MAX: variants seen among roughly 807,000 people sequenced by gnomAD.
MAX encodes the protein MYC associated transcriptional regulator X, also known as protein max.
MAX carries 3 observed loss-of-function variants against 22.3 expected under a neutral mutation model. That is an observed-to-expected ratio of 0.13 (90% confidence interval 0.06 to 0.35). The LOEUF (loss-of-function observed/expected upper bound fraction) is 0.35. Ranked by LOEUF, MAX falls within the 10% of genes least tolerant of loss-of-function variation. MAX has a pLI of 1.00. For synonymous variants in MAX, 72 were observed against 77.7 expected, an observed-to-expected ratio of 0.93 and a Z score of 0.39; for missense variants, 119 against 209.4, an observed-to-expected ratio of 0.57 and a Z score of 2.66.
chr14:65,085,498 T>C (rs771029604), intron 3 of MAX, among the ~76,000 whole-genome samples: 2 of 152,232 alleles, frequency 1.3e-5, no homozygotes, highest in South Asian at 2.1e-4. Flanking sequence ...TCTAGTACTC[T>C]TGGGGGAGTG....
chr14:65,061,495 T>C (rs1566585826), intron 3 of MAX: 4 of 1,146,676 alleles, frequency 3.5e-6, no homozygotes, highest in East Asian at 5.4e-5. Context: ...AGTGGCTGGT[T>C]TTAAAAATTC....
chr14:65,101,500 T>C (rs769723313), intron 2 of MAX, 46 bp downstream of exon 2: 42 of 1,547,748 alleles, frequency 2.7e-5, no homozygotes, highest in Admixed American at 8.6e-5. Context: ...CAAAAAGGAA[T>C]AGAACTGAAC....
chr14:65,085,126 T>C (rs1341157336), intron 3 of MAX, among the ~76,000 whole-genome samples: 1 of 152,222 alleles, frequency 6.6e-6, no homozygotes, highest in Non-Finnish European at 1.5e-5. Context: ...TAATTTTAAA[T>C]ATATTGATTA....
At chr14:65,006,675 A>C (rs2061598698) in intron 3 of MAX, among the ~76,000 whole-genome samples, 2 of 152,182 alleles carry the variant, frequency 1.3e-5, no homozygotes, top group South Asian at 4.1e-4. Context: ...GGGGACACAC[A>C]GCCTCTGTTT....
intron 3 of MAX, chr14:65,016,626 T>A (rs917738494): frequency 3.9e-5 from 6 of 152,314 alleles, no homozygotes; most frequent in Non-Finnish European, 8.8e-5. Context: ...TCAGTCACAT[T>A]GTCAGGTCAG....
At chr14:65,071,583 T>C (rs1333345009), downstream of MAX, among the ~76,000 whole-genome samples, 1 of 152,252 alleles carries the variant, frequency 6.6e-6, no homozygotes, top group Non-Finnish European at 1.5e-5. The surrounding 1 kb of genome is among the most constrained non-coding windows in gnomAD (Gnocchi z 4.2). Flanking sequence ...CCTTTAAGCC[T>C]CACAATGGCA....
At chr14:65,072,842 G>C (rs1168106548), downstream of MAX, among the ~76,000 whole-genome samples, 1 of 152,240 alleles carries the variant, frequency 6.6e-6, no homozygotes, top group African/African-American at 2.4e-5. Context: ...GGCTGCTTTA[G>C]TCTCGAAGAG....
At chr14:65,066,166 C>A (rs1445519624) in intron 3 of MAX, among the ~76,000 whole-genome samples, 2 of 152,186 alleles carry the variant, frequency 1.3e-5, no homozygotes, top group African/African-American at 4.8e-5. Flanking sequence ...TAGGGCAGGC[C>A]CCTCACCCTT....
In MAX at chr14:65,045,711, C is replaced by T. The variant is rs146382568; in HGVS notation, c.172-39427G>A. Among the ~76,000 whole-genome samples, 593 of 151,778 alleles carry T rather than the reference C, an allele frequency of 3.9e-3. 4 individuals are homozygous for T. The highest frequency in any genetic ancestry group is 0.021 in the South Asian group (102 of 4,804). On this transcript the variant is annotated intron_variant, in intron 3 of 3. Coordinates refer to the MAX transcript ENST00000341653. The stretch of plus-strand genomic sequence containing the variant: ...GATTATAGGCGTGAGCCACCGCACC[C>T]GGCCCTGAGCCTCATTATTTAGTTT...
chr14:65,100,712 C>T (rs1002983185), intron 2 of MAX, among the ~76,000 whole-genome samples: 5 of 152,188 alleles, frequency 3.3e-5, no homozygotes, highest in African/African-American at 7.2e-5. Flanking sequence ...CTCTTCCCCT[C>T]GCTGATTCTG....
rs7143495 is a variant in MAX at position 65,079,643 on chromosome 14, A to G, written c.172-1607T>C. Among the ~76,000 whole-genome samples the G allele has an allele frequency of 0.28, 42,272 of 152,100 alleles. 6,536 individuals are homozygous for G. Among genetic ancestry groups the G allele is most frequent in the Non-Finnish European group, 0.35 (23,776 of 67,964 alleles). On this transcript the variant is annotated intron_variant, in intron 3 of 4. Transcript: ENST00000358664. This position sits in a 1 kb window ranked among gnomAD's most constrained non-coding sequence, Gnocchi z 4.5. ...GGTAGGGAGTGCTTGACAATTCTGT[A>G]TTACAAGCCCAATGGGTCCTAAACA...
intron 3 of MAX, among the ~76,000 whole-genome samples, chr14:65,025,812 T>C (rs2061969871): frequency 6.6e-6 from 1 of 152,154 alleles, no homozygotes; most frequent in South Asian, 2.1e-4. Flanking sequence ...TAAGACCCTC[T>C]CTCAAAATCA....
At chr14:65,060,696 T>TGAAAAAAA (rs2062843458) in intron 3 of MAX, among the ~76,000 whole-genome samples, 1 of 27,606 alleles carries the variant, frequency 3.6e-5, no homozygotes, top group Non-Finnish European at 5.5e-5. Flanking sequence ...AGACTCCGTC[T>TGAAAAAAA]CAAAAAAAAA....
At chr14:65,085,882 C>T (rs2063321056) in intron 3 of MAX, among the ~76,000 whole-genome samples, 1 of 152,078 alleles carries the variant, frequency 6.6e-6, no homozygotes, top group Non-Finnish European at 1.5e-5. Context: ...CCTGGGCAAA[C>T]AGAAGAGGGG....
chr14:65,051,339 G>A (rs911799803), intron 3 of MAX, among the ~76,000 whole-genome samples: 2 of 152,180 alleles, frequency 1.3e-5, no homozygotes, highest in Non-Finnish European at 2.9e-5. Context: ...GCTGGGTGCG[G>A]TGGCCCATGC....
chr14:65,054,637 G>T lies in MAX; in HGVS notation c.171+39071C>A. ...GGCCTGTCCATAGCCCAGCACTTCG[G>T]CAGCGGAGCCATGTTGCATGATGTG... On this transcript the variant is annotated intron_variant, in intron 3 of 3. Transcript: ENST00000341653. The surrounding 1 kb of genome is among the most constrained non-coding windows in gnomAD (Gnocchi z 4.4). 6.2e-7 allele frequency: 1 copy of T among 1,613,752 alleles called. No individual in the cohort carries two copies. The highest frequency in any genetic ancestry group is 1.1e-5 in the South Asian group (1 of 90,958).
intron 3 of MAX, among the ~76,000 whole-genome samples, chr14:65,057,829 G>C (rs2062772201): frequency 6.6e-6 from 1 of 152,190 alleles, no homozygotes; most frequent in South Asian, 2.1e-4. Flanking sequence ...CTGCTGATGT[G>C]TATCTCATGT....
chr14:65,007,525 A>G lies in MAX; in HGVS notation c.172-1241T>C, dbSNP rs901041422. Reference sequence around the variant, plus strand: ...AAGCTGAATAGCAGACTGGGCTGAAAGTCAAGCCTGGAGCTGAATGTCAGT... The same window carrying G: ...AAGCTGAATAGCAGACTGGGCTGAAGGTCAAGCCTGGAGCTGAATGTCAGT... On this transcript the variant is annotated intron_variant, in intron 3 of 3. Transcript: ENST00000341653. The surrounding 1 kb of genome is among the most constrained non-coding windows in gnomAD (Gnocchi z 4.9). 6.6e-6 allele frequency among the ~76,000 whole-genome samples: 1 copy of G among 152,372 alleles called. No homozygotes were observed. Among genetic ancestry groups the G allele is most frequent in the Middle Eastern group, 3.4e-3 (1 of 294 alleles).
At position 65,078,533 on chromosome 14, in the gene MAX, G is replaced by GT. The variant is rs1157935028; in HGVS notation, c.172-498dup. ...GCCTGTTGTTGTTGTTGTTGTTGTT[G>GT]TTTTTTTTTTTTTGGAGACGTAGTC... On this transcript the variant is annotated intron_variant, in intron 3 of 4. Coordinates refer to ENST00000358664, the MANE Select transcript of MAX (RefSeq NM_002382.5). This position sits in a 1 kb window ranked among gnomAD's most constrained non-coding sequence, Gnocchi z 6.4. Among the ~76,000 whole-genome samples, 594 of 136,168 alleles carry GT rather than the reference G, an allele frequency of 4.4e-3. 2 individuals are homozygous for GT. Among genetic ancestry groups the GT allele is most frequent in the African/African-American group, 0.012 (444 of 37,588 alleles). 89.3% of individuals were successfully genotyped at this position (136,168 alleles called of 152,430 possible). A position where few individuals can be genotyped will look rare whatever the true frequency, so the allele number is the denominator to read the frequency against.
Sources: allele counts gnomAD v4.1 joint callset (sites outside exome capture counted in the v4.1 genomes callset), GRCh38; gene constraint gnomAD v4.1.1; non-coding constraint Gnocchi (gnomAD v3.1); transcripts MANE v1.5; gene names NCBI Gene and HGNC (gene_info 2026-07-23, HGNC 2026-07-21).